TNKS: variants seen among roughly 807,000 people sequenced by gnomAD.
The protein encoded by TNKS is tankyrase.
In TNKS, 72 loss-of-function variants were observed where a neutral mutation model predicts 135.8. The ratio of observed to expected loss-of-function variants is 0.53; its 90% CI spans 0.44 to 0.64. TNKS has a LOEUF of 0.64. Ranked by LOEUF, TNKS falls within the 30% of genes least tolerant of loss-of-function variation. The pLI is 0.00. For missense variants in TNKS, 1,769 were observed against 1,674.0 expected (o/e 1.06, Z -0.99); for synonymous variants, 849 against 649.3 (o/e 1.31, Z -4.68).
chr8:9,680,912 C>T (rs1391243681), intron 5 of TNKS, 112 bp downstream of exon 5: 3 of 697,334 alleles, frequency 4.3e-6, no homozygotes, highest in South Asian at 4.2e-5. Context: ...TAACTGGCAT[C>T]TTTTCACTGT....
intron 2 of TNKS, among the ~76,000 whole-genome samples, chr8:9,588,106 T>C (rs1477340217): frequency 6.6e-6 from 1 of 152,170 alleles, no homozygotes; most frequent in Non-Finnish European, 1.5e-5. Flanking sequence ...ATTTTGAGAT[T>C]TGGGGTAAAT....
chr8:9,759,214 G>C (rs1807011695), intron 20 of TNKS, among the ~76,000 whole-genome samples: 1 of 152,222 alleles, frequency 6.6e-6, no homozygotes, highest in Non-Finnish European at 1.5e-5. Context: ...GGGAATCATT[G>C]AGTCTGTCTG....
At chr8:9,649,606 C>T (rs764989508) in intron 3 of TNKS, among the ~76,000 whole-genome samples, 5 of 151,964 alleles carry the variant, frequency 3.3e-5, no homozygotes, top group Admixed American at 6.6e-5. Context: ...AGTGTGTAGT[C>T]TTTTATCCCT....
intron 2 of TNKS, among the ~76,000 whole-genome samples, chr8:9,609,733 A>G (rs1057387772): frequency 6.6e-6 from 1 of 152,196 alleles, no homozygotes; most frequent in African/African-American, 2.4e-5. Flanking sequence ...TTTACAGCCT[A>G]AGGGTAGATT....
At chr8:9,758,087 G>T (rs529394182) in intron 20 of TNKS, among the ~76,000 whole-genome samples, 1 of 152,248 alleles carries the variant, frequency 6.6e-6, no homozygotes, top group Admixed American at 6.5e-5. Flanking sequence ...CTATTTTTAT[G>T]ACTTCTCTAA....
chr8:9,767,415 T>C (rs1383778148), intron 25 of TNKS, among the ~76,000 whole-genome samples: 1 of 152,220 alleles, frequency 6.6e-6, no homozygotes, highest in Admixed American at 6.5e-5. Flanking sequence ...ACCAAATGCA[T>C]TCTTTTTAAC....
intron 26 of TNKS, among the ~76,000 whole-genome samples, chr8:9,771,047 C>T (rs769805794): frequency 5.9e-5 from 9 of 151,800 alleles, no homozygotes; most frequent in East Asian, 5.8e-4. Flanking sequence ...TGGTTTCTAA[C>T]GTGTGTGTAC....
intron 2 of TNKS, among the ~76,000 whole-genome samples, chr8:9,580,895 T>C (rs1367419893): frequency 1.3e-5 from 2 of 152,234 alleles, no homozygotes; most frequent in South Asian, 4.1e-4. Flanking sequence ...AATTGGACTT[T>C]TCAATCATTT....
intron 11 of TNKS, among the ~76,000 whole-genome samples, chr8:9,712,055 G>C (rs555932900): frequency 6.6e-6 from 1 of 152,306 alleles, no homozygotes; most frequent in East Asian, 1.9e-4. Flanking sequence ...AGCATAATTA[G>C]TAAATTACAT....
At chr8:9,771,693 G>C (rs1035777498) in intron 26 of TNKS, among the ~76,000 whole-genome samples, 2 of 130,876 alleles carry the variant, frequency 1.5e-5, no homozygotes, top group Non-Finnish European at 3.2e-5. Context: ...GAGAGAGAGA[G>C]AGAGAGGAAG....
At chr8:9,633,370 G>A (rs939384618) in intron 3 of TNKS, among the ~76,000 whole-genome samples, 1 of 152,174 alleles carries the variant, frequency 6.6e-6, no homozygotes, top group African/African-American at 2.4e-5. Flanking sequence ...ACACAATAGA[G>A]TATTTTACAT....
At chr8:9,677,115 C>G (rs892077112) in intron 3 of TNKS, among the ~76,000 whole-genome samples, 1 of 152,144 alleles carries the variant, frequency 6.6e-6, no homozygotes, top group Non-Finnish European at 1.5e-5. Context: ...TTCCTGGGAG[C>G]TAGCGTTTGA....
intron 1 of TNKS, among the ~76,000 whole-genome samples, chr8:9,572,574 A>G (rs546288453): frequency 2.6e-4 from 40 of 152,322 alleles, no homozygotes; most frequent in African/African-American, 8.7e-4. Flanking sequence ...ACTATAGCAG[A>G]TACGTTTTCT....
intron 11 of TNKS, among the ~76,000 whole-genome samples, chr8:9,719,262 G>A (rs751816721): frequency 3.3e-5 from 5 of 152,140 alleles, no homozygotes; most frequent in Admixed American, 1.3e-4. Flanking sequence ...AAAGACTGGC[G>A]ACAGGGAGAC....
At chr8:9,699,026 A>G (rs567148679) in intron 5 of TNKS, among the ~76,000 whole-genome samples, 16 of 152,226 alleles carry the variant, frequency 1.1e-4, no homozygotes, top group Non-Finnish European at 2.2e-4. Context: ...TTTGTCTTTT[A>G]AAATGATCCT....
At chr8:9,641,552 A>T (rs977051845) in intron 3 of TNKS, among the ~76,000 whole-genome samples, 3 of 145,374 alleles carry the variant, frequency 2.1e-5, no homozygotes, top group Non-Finnish European at 3.0e-5. Flanking sequence ...TAATACATTG[A>T]CAGAACTTGT....
At chr8:9,722,953 CTAAA>C (rs10603527) in intron 12 of TNKS, among the ~76,000 whole-genome samples, 106,041 of 151,472 alleles carry the variant, frequency 0.7, 37,634 homozygotes, top group Admixed American at 0.8. Flanking sequence ...AAAGATAAAA[CTAAA>C]TACTGAATAC....
chr8:9,592,756 T>TA (rs760756514), intron 2 of TNKS, among the ~76,000 whole-genome samples: 44 of 152,352 alleles, frequency 2.9e-4, no homozygotes, highest in African/African-American at 9.9e-4. Context: ...GACTTTTTTT[T>TA]ATATTACTCT....
chr8:9,598,096 A>G (rs1798862740), intron 2 of TNKS, among the ~76,000 whole-genome samples: 1 of 152,178 alleles, frequency 6.6e-6, no homozygotes, highest in African/African-American at 2.4e-5. Flanking sequence ...GAGGCATAGG[A>G]AAATAATAGT....
Sources: gnomAD v4.1 joint callset for allele counts (sites outside exome capture counted in the v4.1 genomes callset) on GRCh38, gnomAD v4.1.1 for gene constraint, MANE v1.5 for transcripts, NCBI Gene and HGNC (gene_info 2026-07-23, HGNC 2026-07-21) for gene names.